Variants in EPHA5 observed in about 807,000 individuals in gnomAD.
EPHA5 encodes the protein ephrin type-A receptor 5.
EPHA5 carries 60 observed loss-of-function variants against 105.0 expected under a neutral mutation model. That is an observed-to-expected ratio of 0.57 (90% CI 0.46 to 0.71). The LOEUF (loss-of-function observed/expected upper bound fraction) is 0.71, where lower values mean the gene tolerates loss of function less well. EPHA5 is among the 30% of genes least tolerant of loss of function. EPHA5 has a pLI of 0.00. For synonymous variants in EPHA5, 513 were observed against 449.1 expected, an observed-to-expected ratio of 1.14 and a Z score of -1.80; for missense variants, 1,218 against 1,274.7, an observed-to-expected ratio of 0.96 and a Z score of 0.68.
chr4:65,650,162 C>T (rs75119474), intron 1 of EPHA5, among the ~76,000 whole-genome samples: 5,473 of 152,112 alleles, frequency 0.036, 320 homozygotes, highest in African/African-American at 0.12. Flanking sequence ...ATTCAGCCTG[C>T]CCCCAAATGA....
intron 2 of EPHA5, among the ~76,000 whole-genome samples, chr4:65,603,395 A>T (rs1161094810): frequency 6.6e-6 from 1 of 152,134 alleles, no homozygotes; most frequent in Non-Finnish European, 1.5e-5. Flanking sequence ...TTAAAATACC[A>T]CTGGAACACA....
At chr4:65,654,669 T>G (rs1748901783) in intron 1 of EPHA5, among the ~76,000 whole-genome samples, 3 of 147,778 alleles carry the variant, frequency 2.0e-5, no homozygotes, top group Admixed American at 6.8e-5. Flanking sequence ...TATTTATTTA[T>G]TTTTAATATA....
intron 8 of EPHA5, among the ~76,000 whole-genome samples, chr4:65,385,609 G>T (rs1720001527): frequency 6.6e-6 from 1 of 151,688 alleles, no homozygotes; most frequent in Non-Finnish European, 1.5e-5. Flanking sequence ...TATAATAGTT[G>T]CCATAATTAT....
At chr4:65,624,277 T>C (rs1461797510) in intron 2 of EPHA5, among the ~76,000 whole-genome samples, 7 of 152,174 alleles carry the variant, frequency 4.6e-5, no homozygotes, top group Non-Finnish European at 8.8e-5. Context: ...TTATGAATTA[T>C]TTTAAATACA....
chr4:65,427,460 C>T (rs534357400), intron 5 of EPHA5, among the ~76,000 whole-genome samples: 2 of 152,184 alleles, frequency 1.3e-5, no homozygotes, highest in Admixed American at 6.5e-5. Context: ...GGATTATAGG[C>T]GTGAGTCACC....
intron 5 of EPHA5, among the ~76,000 whole-genome samples, chr4:65,487,796 TC>T: frequency 6.6e-6 from 1 of 152,298 alleles, no homozygotes; most frequent in African/African-American, 2.4e-5. Context: ...ATAATAAAAC[TC>T]TGGTCTCCTG....
chr4:65,410,615 G>A (rs1272627935), intron 7 of EPHA5, among the ~76,000 whole-genome samples: 1 of 152,134 alleles, frequency 6.6e-6, no homozygotes, highest in Non-Finnish European at 1.5e-5. Context: ...ATTAAGATCT[G>A]TGGATTGATT....
chr4:65,609,430 C>T (rs989428697), intron 2 of EPHA5, among the ~76,000 whole-genome samples: 2 of 152,190 alleles, frequency 1.3e-5, no homozygotes, highest in African/African-American at 4.8e-5. Context: ...AATTTGATTA[C>T]TTTATTGCCT....
intron 7 of EPHA5, among the ~76,000 whole-genome samples, chr4:65,413,063 AC>A (rs1402008386): frequency 6.6e-6 from 1 of 152,130 alleles, no homozygotes; most frequent in Non-Finnish European, 1.5e-5. Flanking sequence ...TATATAGCAT[AC>A]CTTTTTTCCT....
chr4:65,576,072 A>G lies in EPHA5; in HGVS notation c.910+25569T>C, dbSNP rs970468235. 1.4e-3 allele frequency among the ~76,000 whole-genome samples: 119 copies of G among 82,680 alleles called. 3 individuals are homozygous for G. The highest frequency in any genetic ancestry group is 3.8e-3 in the South Asian group (8 of 2,104). The allele number at this position is 82,680 out of a possible 152,430, so 54.2% of individuals were successfully genotyped here. ...AAAGAAAGAAAGAAAAGAAAAGAAA[A>G]GAAAAGAAAAGAAAAGAAAAGAAAA... On this transcript the variant is annotated intron_variant, in intron 3 of 16. Transcript: ENST00000613740.
intron 3 of EPHA5, among the ~76,000 whole-genome samples, chr4:65,592,483 A>G (rs980236333): frequency 6.6e-6 from 1 of 152,058 alleles, no homozygotes; most frequent in African/African-American, 2.4e-5. Flanking sequence ...AGCTGGCTAC[A>G]TCCTCAAGAG....
chr4:65,559,872 G>T (rs183628556), intron 3 of EPHA5, among the ~76,000 whole-genome samples: 1 of 151,956 alleles, frequency 6.6e-6, no homozygotes, highest in South Asian at 2.1e-4. Flanking sequence ...AAAATGTCTC[G>T]ATTACTGAAA....
intron 5 of EPHA5, among the ~76,000 whole-genome samples, chr4:65,433,889 C>CA (rs1159494823): frequency 2.0e-5 from 3 of 151,934 alleles, no homozygotes; most frequent in Non-Finnish European, 4.4e-5. Flanking sequence ...AATAAAAATG[C>CA]AAAAATTAGC....
intron 8 of EPHA5, among the ~76,000 whole-genome samples, chr4:65,375,282 C>A (rs970436108): frequency 2.0e-5 from 3 of 151,462 alleles, no homozygotes; most frequent in Non-Finnish European, 4.4e-5. Context: ...GTGGCTAAAT[C>A]TTTTTTATTT....
chr4:65,500,157 A>T (rs138666087), intron 3 of EPHA5, among the ~76,000 whole-genome samples: 4 of 151,618 alleles, frequency 2.6e-5, no homozygotes, highest in African/African-American at 9.6e-5. Context: ...CCAATCCAAA[A>T]TGGTTTATTA....
chr4:65,581,915 A>G (rs973291433), intron 3 of EPHA5, among the ~76,000 whole-genome samples: 1 of 151,788 alleles, frequency 6.6e-6, no homozygotes, highest in Non-Finnish European at 1.5e-5. Context: ...ATTTACTTTA[A>G]CAAAGTTTAA....
chr4:65,331,361 G>C, intron 16 of EPHA5: 1 of 1,039,676 alleles, frequency 9.6e-7, no homozygotes, highest in Non-Finnish European at 1.2e-6. Context: ...AATAAGGTTT[G>C]ATAAATTTTA....
At chr4:65,423,763 G>A (rs947755394) in intron 5 of EPHA5, among the ~76,000 whole-genome samples, 2 of 151,112 alleles carry the variant, frequency 1.3e-5, no homozygotes, top group Admixed American at 6.6e-5. Flanking sequence ...CAGTCCTAGA[G>A]TCATTCATTT....
At chr4:65,363,520 A>G (rs1717542330) in intron 11 of EPHA5, among the ~76,000 whole-genome samples, 1 of 151,530 alleles carries the variant, frequency 6.6e-6, no homozygotes, top group Non-Finnish European at 1.5e-5. Flanking sequence ...TATGAAGGGT[A>G]GATTGGCTGC....
Sources: gnomAD v4.1 joint callset for allele counts (sites outside exome capture counted in the v4.1 genomes callset) on GRCh38, gnomAD v4.1.1 for gene constraint, MANE v1.5 for transcripts, NCBI Gene and HGNC (gene_info 2026-07-23, HGNC 2026-07-21) for gene names.